RUVBL1: variants seen among roughly 807,000 people sequenced by gnomAD.
RUVBL1 encodes RuvB like AAA ATPase 1.
In RUVBL1, 4 loss-of-function variants were observed where a neutral mutation model predicts 52.4. The observed-to-expected ratio is 0.08, with a 90% CI of 0.04 to 0.17. RUVBL1 has a LOEUF of 0.17. Among genes scored for constraint, RUVBL1 ranks in the 10% least tolerant of loss-of-function variants. The pLI is 1.00. For missense variants in RUVBL1, 298 were observed against 572.8 expected (o/e 0.52, Z 4.90); for synonymous variants, 217 against 214.4 (o/e 1.01, Z -0.10).
At chr3:128,128,410 A>AGG (rs1385428516), upstream of RUVBL1, among the ~76,000 whole-genome samples, 2 of 152,214 alleles carry the variant, frequency 1.3e-5, no homozygotes, top group African/African-American at 4.8e-5. Flanking sequence ...GCATGCCAGG[A>AGG]GGTGGGCTGG....
chr3:128,116,569 T>C (rs1218302892), intron 2 of RUVBL1, among the ~76,000 whole-genome samples: 1 of 152,102 alleles, frequency 6.6e-6, no homozygotes, highest in East Asian at 1.9e-4. Context: ...TAACAATTTA[T>C]GCAGTGTGTA....
intron 8 of RUVBL1, among the ~76,000 whole-genome samples, chr3:128,088,325 T>C (rs184484217): frequency 9.4e-5 from 14 of 149,110 alleles, no homozygotes; most frequent in African/African-American, 2.7e-4. Context: ...ATAGCAAAAC[T>C]GGGAAGGAGG....
At chr3:128,097,051 C>A (rs1403822307) in intron 8 of RUVBL1, among the ~76,000 whole-genome samples, 1 of 152,118 alleles carries the variant, frequency 6.6e-6, no homozygotes, top group East Asian at 1.9e-4. Flanking sequence ...TCCAATTGAA[C>A]GACCAAATTG....
intron 9 of RUVBL1, chr3:128,075,311 G>A (rs1038071814): frequency 1.3e-5 from 2 of 152,154 alleles, no homozygotes; most frequent in African/African-American, 4.8e-5. Flanking sequence ...GGAAGGTCCT[G>A]TGAGTGTGTG....
intron 8 of RUVBL1, among the ~76,000 whole-genome samples, chr3:128,096,835 AAAAG>A (rs1942989017): frequency 1.3e-5 from 2 of 152,116 alleles, no homozygotes; most frequent in African/African-American, 4.8e-5. Context: ...CCCAAAAAAA[AAAAG>A]AAAGAAAATG....
At chr3:128,102,403 T>C (rs1490128075) in intron 4 of RUVBL1, among the ~76,000 whole-genome samples, 7 of 152,270 alleles carry the variant, frequency 4.6e-5, no homozygotes, top group Admixed American at 1.3e-4. Context: ...CAGATTCTGG[T>C]GACCCTCAGT....
chr3:128,101,137 G>C (rs1943099797), intron 5 of RUVBL1, among the ~76,000 whole-genome samples: 1 of 152,154 alleles, frequency 6.6e-6, no homozygotes, highest in Admixed American at 6.5e-5. Flanking sequence ...ACACTGTACA[G>C]GACCCTGAAA....
chr3:128,108,355 T>TC (rs1482433261), intron 3 of RUVBL1, among the ~76,000 whole-genome samples: 1 of 152,032 alleles, frequency 6.6e-6, no homozygotes, highest in East Asian at 1.9e-4. Context: ...GGTACTACTG[T>TC]CCCCTCCCCT....
In RUVBL1 at chr3:128,082,602, C is replaced by T. The variant is rs377282779; in HGVS notation, c.1120-28G>A. Reference sequence around the variant, plus strand: ...TTTAAAGGATAAAAAACATGATCAACGGTGACTGACCTCAAGTGCCCCATT... The same window carrying T: ...TTTAAAGGATAAAAAACATGATCAATGGTGACTGACCTCAAGTGCCCCATT... On this transcript the variant is annotated intron_variant, in intron 9 of 10. Transcript: ENST00000322623. The surrounding 1 kb of genome is among the most constrained non-coding windows in gnomAD (Gnocchi z 4.7). 144 of 1,548,824 alleles carry T rather than the reference C, an allele frequency of 9.3e-5. No homozygotes were observed. Among genetic ancestry groups the T allele is most frequent in the African/African-American group, 2.7e-4 (20 of 73,464 alleles).
chr3:128,125,693 TA>T (rs1189670423), upstream of RUVBL1, among the ~76,000 whole-genome samples: 8 of 152,226 alleles, frequency 5.3e-5, no homozygotes, highest in Non-Finnish European at 1.0e-4. Flanking sequence ...TTTCAGGGCC[TA>T]AAAGAACAGA....
At chr3:128,146,520 CTGTGTG>C (rs1234419587) in intron 1 of RUVBL1, among the ~76,000 whole-genome samples, 1 of 128,474 alleles carries the variant, frequency 7.8e-6, no homozygotes, top group African/African-American at 3.0e-5. Flanking sequence ...GTGCGTGCAT[CTGTGTG>C]TGTGTGTCTC....
At chr3:128,076,912 C>T (rs562525459), downstream of RUVBL1, among the ~76,000 whole-genome samples, 19 of 152,308 alleles carry the variant, frequency 1.2e-4, no homozygotes, top group South Asian at 8.3e-4. The surrounding 1 kb of genome is among the most constrained non-coding windows in gnomAD (Gnocchi z 6.8). Flanking sequence ...CAGCTGCCGG[C>T]GTCCCCATTA....
intron 1 of RUVBL1, among the ~76,000 whole-genome samples, chr3:128,152,703 T>C (rs1944242736): frequency 6.6e-6 from 1 of 152,124 alleles, no homozygotes; most frequent in Non-Finnish European, 1.5e-5. Context: ...TCTCGCTGAC[T>C]TCAAGAATGG....
intron 9 of RUVBL1, among the ~76,000 whole-genome samples, chr3:128,086,711 C>T (rs1457663655): frequency 2.0e-5 from 3 of 152,260 alleles, no homozygotes; most frequent in African/African-American, 7.2e-5. Context: ...ATGGTGATCA[C>T]ATGGAATACC....
At chr3:128,145,188 T>A (rs144818441) in intron 1 of RUVBL1, among the ~76,000 whole-genome samples, 1 of 152,320 alleles carries the variant, frequency 6.6e-6, no homozygotes, top group African/African-American at 2.4e-5. Flanking sequence ...CAGGAATTGC[T>A]CTAAGTGCTA....
At chr3:128,080,297 C>G (rs1942433861), downstream of RUVBL1, among the ~76,000 whole-genome samples, 1 of 152,232 alleles carries the variant, frequency 6.6e-6, no homozygotes, top group Admixed American at 6.5e-5. Context: ...ATACAATCTT[C>G]CATGCAGAAT....
At chr3:128,143,878 T>C (rs1478093654) in intron 1 of RUVBL1, among the ~76,000 whole-genome samples, 2 of 152,096 alleles carry the variant, frequency 1.3e-5, no homozygotes, top group African/African-American at 4.8e-5. Flanking sequence ...ATTGAGGAGC[T>C]CTTACAAAAG....
At chr3:128,143,858 T>C (rs1258215416) in intron 1 of RUVBL1, among the ~76,000 whole-genome samples, 1 of 152,128 alleles carries the variant, frequency 6.6e-6, no homozygotes, top group East Asian at 1.9e-4. Context: ...GGAAGAACTT[T>C]CCAAGGATAA....
exon 1 of RUVBL1, chr3:128,153,267 A>T (rs1944282348): frequency 7.4e-7 from 1 of 1,350,936 alleles, no homozygotes; most frequent in Non-Finnish European, 9.4e-7. Context: ...TAGAGGCTTC[A>T]GGCAGGAGGA....
Sources: allele counts gnomAD v4.1 joint callset (sites outside exome capture counted in the v4.1 genomes callset), GRCh38; gene constraint gnomAD v4.1.1; non-coding constraint Gnocchi (gnomAD v3.1); transcripts MANE v1.5; gene names NCBI Gene and HGNC (gene_info 2026-07-23, HGNC 2026-07-21).